NBL1: variants seen among roughly 807,000 people sequenced by gnomAD.
NBL1 encodes the protein neuroblastoma suppressor of tumorigenicity 1.
A neutral mutation model predicts 16.0 loss-of-function variants in NBL1; 9 were observed. The ratio of observed to expected loss-of-function variants is 0.56; its 90% confidence interval spans 0.34 to 0.98. The LOEUF is 0.98. Among genes scored for constraint, NBL1 ranks in the 50% least tolerant of loss-of-function variants. NBL1 has a pLI of 0.02. For synonymous variants in NBL1, 86 were observed against 100.7 expected (o/e 0.85, Z 0.87); for missense variants, 196 against 243.1 (o/e 0.81, Z 1.29).
chr1:19,644,423 C>T lies in NBL1; in HGVS notation c.-43C>T, dbSNP rs2094965219. ...GGGCCCGCGACCCCCGCACCCAGCT[C>T]CGCAGGACCGGCGGGCGCGCGCGGT... On this transcript the variant is annotated 5_prime_UTR_variant, in exon 1 of 4. Transcript: ENST00000375136. The surrounding 1 kb of genome is among the most constrained non-coding windows in gnomAD (Gnocchi z 4.6). The T allele has an allele frequency of 1.0e-6, 1 of 978,974 alleles. No homozygotes were observed. Among genetic ancestry groups the T allele is most frequent in the Non-Finnish European group, 1.2e-6 (1 of 827,534 alleles). 60.6% of individuals were successfully genotyped at this position (978,974 alleles called of 1,614,324 possible). A position where few individuals can be genotyped will look rare whatever the true frequency, so the allele number is the denominator to read the frequency against.
At chr1:19,654,229 G>A (rs373421913) in intron 1 of NBL1, among the ~76,000 whole-genome samples, 1 of 152,138 alleles carries the variant, frequency 6.6e-6, no homozygotes, top group African/African-American at 2.4e-5. Context: ...TGGGCAACAC[G>A]GCGAAACCTG....
At chr1:19,646,165 C>T (rs556339228) in intron 1 of NBL1, 25 of 1,110,784 alleles carry the variant, frequency 2.3e-5, no homozygotes, top group Non-Finnish European at 2.9e-5. Flanking sequence ...ATGCTCTCCC[C>T]AGTGCTGAAG....
At position 19,655,058 on chromosome 1, in the gene NBL1, G is replaced by T; in HGVS notation, c.28G>T (p.Val10Phe). 6.2e-7 allele frequency: 1 copy of T among 1,611,888 alleles called. No individual in the cohort carries two copies. Among genetic ancestry groups the T allele is most frequent in the Non-Finnish European group, 8.5e-7 (1 of 1,179,762 alleles). The change falls in exon 2 of 4, where the codon GTC becomes TTC. Residue 10 changes from valine (V) to phenylalanine (F), a missense_variant. Transcript: ENST00000375136. MMLRVLVGA[V>F]LPAMLLAAPP... ...GATGCTTCGGGTCCTGGTGGGGGCTGTCCTCCCTGCCATGCTACTGGCTGC... is the reference window on the plus strand; with the variant it reads ...GATGCTTCGGGTCCTGGTGGGGGCTTTCCTCCCTGCCATGCTACTGGCTGC...
In NBL1 at chr1:19,644,357, C is replaced by T. The variant is rs968079998; in HGVS notation, c.-109C>T. On this transcript the variant is annotated 5_prime_UTR_variant, in exon 1 of 4. Transcript: ENST00000375136. The surrounding 1 kb of genome is among the most constrained non-coding windows in gnomAD (Gnocchi z 4.6). Reference sequence around the variant, plus strand: ...CCAGCCGAGCGTCGCGGGGCCGCCCCCCGCCCTGCCGGCCGCCTCGCCGAG... The same window carrying T: ...CCAGCCGAGCGTCGCGGGGCCGCCCTCCGCCCTGCCGGCCGCCTCGCCGAG... 1 of 978,464 alleles carries T rather than the reference C, an allele frequency of 1.0e-6. No individual in the cohort carries two copies. Among genetic ancestry groups the T allele is most frequent in the Non-Finnish European group, 1.2e-6 (1 of 826,932 alleles). 60.6% of individuals were successfully genotyped at this position (978,464 alleles called of 1,614,324 possible). A position where few individuals can be genotyped will look rare whatever the true frequency, so the allele number is the denominator to read the frequency against.
chr1:19,652,765 A>G (rs953522964), intron 1 of NBL1, among the ~76,000 whole-genome samples: 4 of 152,014 alleles, frequency 2.6e-5, no homozygotes, highest in Non-Finnish European at 1.5e-5. Context: ...AGGTGGGCAG[A>G]TCACTTGAGG....
rs1046702799 is a variant in NBL1 at position 19,645,871 on chromosome 1, A to C, written c.-20+1425A>C. On this transcript the variant is annotated intron_variant, in intron 1 of 3. Transcript: ENST00000375136. The stretch of plus-strand genomic sequence containing the variant: ...AGGCTGAGTTTAGCTGCTTCCCCCC[A>C]CCCACAACCTCAAGGGTCGGAGGCT... 2.6e-6 allele frequency: 4 copies of C among 1,530,946 alleles called. No individual in the cohort carries two copies. The African/African-American group carries it at 4.1e-5, about 16-fold the overall frequency. The allele number at this position is 1,530,946 out of a possible 1,614,324, so 94.8% of individuals were successfully genotyped here.
In NBL1 at chr1:19,655,170, G is replaced by A. The variant is rs1298729319; in HGVS notation, c.140G>A (p.Ser47Asn). The change falls in exon 2 of 4, where the codon AGC becomes AAC. Residue 47 changes from serine to asparagine, a missense_variant. Transcript: ENST00000375136. ...AACATCACCCAGATCGTGGGCCACA[G>A]CGGCTGTGAGGCCAAGTCCATCCAG... is the stretch of plus-strand genomic sequence containing the variant. ...AKNITQIVGH[S>N]GCEAKSIQNR... 29 of 1,609,208 alleles carry A rather than the reference G, an allele frequency of 1.8e-5. No homozygotes were observed. The Admixed American group carries it at 4.5e-4, about 25-fold the overall frequency.
At chr1:19,648,143 T>A (rs553479091) in intron 1 of NBL1, among the ~76,000 whole-genome samples, 13 of 152,020 alleles carry the variant, frequency 8.6e-5, no homozygotes, top group Non-Finnish European at 1.8e-4. Context: ...TCACTTGTTA[T>A]ACCAAAGCTA....
intron 1 of NBL1, among the ~76,000 whole-genome samples, chr1:19,647,894 CGT>C (rs1426622996): frequency 1.0e-4 from 10 of 99,496 alleles, no homozygotes; most frequent in African/African-American, 4.8e-4. Context: ...CGTGTGCGCG[CGT>C]GTGTGTGCGT....
chr1:19,652,218 G>A (rs140961737), intron 1 of NBL1, among the ~76,000 whole-genome samples: 28 of 152,316 alleles, frequency 1.8e-4, no homozygotes, highest in African/African-American at 5.3e-4. Context: ...GTCCAGCCCA[G>A]GGAGCCCTGG....
At position 19,657,011 on chromosome 1, in the gene NBL1, G is replaced by C; in HGVS notation, c.428G>C (p.Gly143Ala). The change falls in exon 4 of 4, where the codon GGA (glycine) becomes GCA (alanine). Residue 143 changes from glycine to alanine, a missense_variant. Physicochemically the swap from Gly to Ala is moderately conservative, Grantham distance 60. Coordinates refer to ENST00000375136, the MANE Select transcript of NBL1 (RefSeq NM_005380.8). ...TATGTGCAGGGCGAGGACGGGCCGG[G>C]ATCCCAGCCCGGCACCCACCCTCAC... is the stretch of plus-strand genomic sequence containing the variant. ...SVYVQGEDGP[G>A]SQPGTHPHPH... 6.3e-7 allele frequency: 1 copy of C among 1,584,668 alleles called. No individual in the cohort carries two copies. The highest frequency in any genetic ancestry group is 1.1e-5 in the South Asian group (1 of 87,364).
Position 19,657,008 on chromosome 1 carries a change from C to T in NBL1, c.425C>T (p.Pro142Leu), listed in dbSNP as rs746880468. 9.4e-6 allele frequency: 15 copies of T among 1,587,690 alleles called. No individual in the cohort carries two copies. Among genetic ancestry groups the T allele is most frequent in the South Asian group, 9.1e-5 (8 of 87,636 alleles). Residue 142 changes from proline to leucine, a missense_variant, in exon 4 of 4, where the codon CCG becomes CTG. By Grantham distance (98) the Pro-to-Leu change is moderately conservative. Coordinates refer to ENST00000375136, the MANE Select transcript of NBL1 (RefSeq NM_005380.8). ...GTCTATGTGCAGGGCGAGGACGGGC[C>T]GGGATCCCAGCCCGGCACCCACCCT... ...LSVYVQGEDGPGSQPGTHPHP... is the reference protein window; with the variant it reads ...LSVYVQGEDGLGSQPGTHPHP...
chr1:19,657,073 GA>G lies in NBL1; in HGVS notation c.491del (p.Glu164GlyfsTer46), dbSNP rs1437955655. 6.4e-5 allele frequency: 97 copies of G among 1,525,512 alleles called. No individual in the cohort carries two copies. The highest frequency in any genetic ancestry group is 8.4e-5 in the Non-Finnish European group (95 of 1,134,688). 94.5% of individuals were successfully genotyped at this position (1,525,512 alleles called of 1,614,324 possible). ...PHPHPGGQTP[E>X]PEDPPGAPHT... is the part of the protein sequence containing the mutation. ...CCCCCATCCTGGCGGGCAGACCCCT[GA>G]GCCCGAGGACCCCCCTGGGGCCCCC... On this transcript the variant is annotated frameshift_variant, in exon 4 of 4. Transcript: ENST00000375136. LOFTEE classifies it high-confidence loss of function.
chr1:19,644,933 C>T lies in NBL1; in HGVS notation c.-20+487C>T, dbSNP rs1302789429. Among the ~76,000 whole-genome samples, 3 of 152,180 alleles carry T rather than the reference C, an allele frequency of 2.0e-5. No homozygotes were observed. The highest frequency in any genetic ancestry group is 4.4e-5 in the Non-Finnish European group (3 of 68,016). On this transcript the variant is annotated intron_variant, in intron 1 of 3. Transcript: ENST00000375136. This position sits in a 1 kb window ranked among gnomAD's most constrained non-coding sequence, Gnocchi z 4.6. ...TCGCTCCGTTTCCGCCGCTCACTTT[C>T]CCCTGGTCTGCCCGTCTCTTTCCGT...
chr1:19,644,265 C>T (rs1286259586), upstream of NBL1: 2 of 979,106 alleles, frequency 2.0e-6, no homozygotes, highest in Non-Finnish European at 2.4e-6. This position sits in a 1 kb window ranked among gnomAD's most constrained non-coding sequence, Gnocchi z 4.6. Flanking sequence ...AGGGAGCCAC[C>T]CTGACGTCGG....
chr1:19,654,995 C>T lies in NBL1; in HGVS notation c.-19-17C>T, dbSNP rs1335905620. The T allele has an allele frequency of 1.3e-6, 2 of 1,557,820 alleles. No homozygotes were observed. The highest frequency in any genetic ancestry group is 1.4e-5 in the African/African-American group (1 of 74,018). ...GCACCTTGCTGTGCCTCACCTGGCA[C>T]CTGTGCTCCGTTCTAGGGCTCTGGA... On this transcript the variant is annotated splice_polypyrimidine_tract_variant and intron_variant, in intron 1 of 3. Transcript: ENST00000375136.
rs566572714 is a variant in NBL1 at position 19,658,175 on chromosome 1, A to G, written c.*1046A>G. On this transcript the variant is annotated 3_prime_UTR_variant, in exon 4 of 4. Transcript: ENST00000375136. The stretch of plus-strand genomic sequence containing the variant: ...CACTTGGGCTCTCTCTAGCTCCCCA[A>G]TTCTGCCTGCCTCCTCCCTCCCAGC... 29 of 152,864 alleles carry G rather than the reference A, an allele frequency of 1.9e-4. No individual in the cohort carries two copies. The highest frequency in any genetic ancestry group is 6.0e-4 in the African/African-American group (25 of 41,552). 9.5% of individuals were successfully genotyped at this position (152,864 alleles called of 1,614,324 possible). A position where few individuals can be genotyped will look rare whatever the true frequency, so the allele number is the denominator to read the frequency against.
At chr1:19,648,580 C>G (rs1399595392) in intron 1 of NBL1, among the ~76,000 whole-genome samples, 3 of 152,224 alleles carry the variant, frequency 2.0e-5, no homozygotes, top group Non-Finnish European at 4.4e-5. Context: ...TGTGTTTGTT[C>G]CCTGCCCTCT....
chr1:19,650,730 C>T (rs748129372), intron 1 of NBL1, among the ~76,000 whole-genome samples: 9 of 150,156 alleles, frequency 6.0e-5, no homozygotes, highest in African/African-American at 1.5e-4. Flanking sequence ...AAAGTACGAT[C>T]GCTGCTTAAA....
Sources: allele counts gnomAD v4.1 joint callset (sites outside exome capture counted in the v4.1 genomes callset), GRCh38; gene constraint gnomAD v4.1.1; non-coding constraint Gnocchi (gnomAD v3.1); transcripts MANE v1.5; gene names NCBI Gene and HGNC (gene_info 2026-07-23, HGNC 2026-07-21).